The following OTUD6B variants were observed in gnomAD, a reference collection of about 807,000 sequenced individuals.
OTUD6B encodes the protein deubiquitinase OTUD6B.
Under a neutral mutation model 36.9 loss-of-function variants are expected in OTUD6B, and 41 were observed. That is an observed-to-expected ratio of 1.11 (90% CI 0.87 to 1.44). The LOEUF (loss-of-function observed/expected upper bound fraction) is 1.44. Ranked by LOEUF, OTUD6B falls within the 40% of genes most tolerant of loss-of-function variation. The pLI is 0.00. For synonymous variants in OTUD6B, 114 were observed against 114.2 expected (o/e 1.00, Z 0.01); for missense variants, 356 against 344.8 (o/e 1.03, Z -0.26).
chr8:91,082,051 G>A (rs1812917498), intron 5 of OTUD6B, among the ~76,000 whole-genome samples: 1 of 152,074 alleles, frequency 6.6e-6, no homozygotes, highest in Non-Finnish European at 1.5e-5. Flanking sequence ...AGTAAGAGTT[G>A]CAGTTTTCAC....
intron 4 of OTUD6B, chr8:91,080,417 G>T (rs1283608739): frequency 7.8e-6 from 2 of 256,946 alleles, no homozygotes; most frequent in Non-Finnish European, 1.2e-5. Flanking sequence ...ATATAGGGAG[G>T]GTATCTGGGC....
intron 6 of OTUD6B, 189 bp from the exon 7 acceptor site, chr8:91,084,595 T>C (rs1293552313): frequency 3.3e-6 from 1 of 299,554 alleles, no homozygotes; most frequent in African/African-American, 2.3e-5. Context: ...GAACCAGATC[T>C]TGCTGACTGC....
intron 5 of OTUD6B, among the ~76,000 whole-genome samples, chr8:91,081,526 C>T (rs577160016): frequency 3.3e-5 from 5 of 151,692 alleles, no homozygotes; most frequent in South Asian, 4.2e-4. Context: ...CAGCCATCCT[C>T]CCAAGCTTGA....
In OTUD6B at chr8:91,072,261, A is replaced by G. The variant is rs73301750; in HGVS notation, c.234+972A>G. Among the ~76,000 whole-genome samples the G allele has an allele frequency of 2.6e-5, 4 of 152,196 alleles. No individual in the cohort carries two copies. In the East Asian group the frequency reaches 7.7e-4, roughly 29 times the overall value. ...CATAATCCCATTTTTCAAGTGGGAA[A>G]CAGGGTTAGAGAGATTAAGAACTTT... On this transcript the variant is annotated intron_variant, in intron 2 of 6. Transcript: ENST00000404789.
chr8:91,087,016 C>G lies in OTUD6B; in HGVS notation c.*2148C>G, dbSNP rs1399023905. On this transcript the variant is annotated 3_prime_UTR_variant, in exon 7 of 7. Coordinates refer to ENST00000404789, the MANE Select transcript of OTUD6B (RefSeq NM_016023.5). ...ATAAAGCAAAAAAGAATGTGTGTAA[C>G]TATAGTGAACGCATAGTTTTGCTTA... 6.6e-6 allele frequency: 1 copy of G among 151,758 alleles called. No individual in the cohort carries two copies. The highest frequency in any genetic ancestry group is 2.4e-5 in the African/African-American group (1 of 41,276). 9.4% of individuals were successfully genotyped at this position (151,758 alleles called of 1,614,324 possible).
chr8:91,073,717 C>T, intron 2 of OTUD6B, 114 bp from the exon 3 acceptor site: 1 of 1,336,540 alleles, frequency 7.5e-7, no homozygotes, highest in South Asian at 1.7e-5. Flanking sequence ...ACCATATTAT[C>T]TAATACAGTG....
rs985417093 is a variant in OTUD6B at position 91,076,479 on chromosome 8, T to G, written c.316-1877T>G. 1.1e-5 allele frequency: 17 copies of G among 1,491,494 alleles called. No homozygotes were observed. The Admixed American group carries it at 2.4e-4, about 21-fold the overall frequency. The allele number at this position is 1,491,494 out of a possible 1,614,324, so 92.4% of individuals were successfully genotyped here. On this transcript the variant is annotated intron_variant, in intron 3 of 6. Coordinates refer to ENST00000404789, the MANE Select transcript of OTUD6B (RefSeq NM_016023.5). Reference sequence around the variant, plus strand: ...AAAAATGAAATGATTAGAATTAGTATTTTAGAGGCTTAAACAGTTTTGCAG... The same window carrying G: ...AAAAATGAAATGATTAGAATTAGTAGTTTAGAGGCTTAAACAGTTTTGCAG...
In OTUD6B at chr8:91,071,240, A is replaced by G. The variant is rs745502007; in HGVS notation, c.185A>G (p.Lys62Arg). 3.4e-5 allele frequency: 55 copies of G among 1,613,862 alleles called. No individual in the cohort carries two copies. The highest frequency in any genetic ancestry group is 4.2e-5 in the Non-Finnish European group (50 of 1,179,860). Residue 62 changes from lysine (K) to arginine (R), a missense_variant, in exon 2 of 7, where the codon AAA (lysine) becomes AGA (arginine). Transcript: ENST00000404789. ...VAKLEKEMEQKHREELEQLKL... is the reference protein window; with the variant it reads ...VAKLEKEMEQRHREELEQLKL... ...AAGTTGGAAAAAGAAATGGAACAGAAACATAGAGAGGAACTGGAGCAATTG... is the reference window on the plus strand; with the variant it reads ...AAGTTGGAAAAAGAAATGGAACAGAGACATAGAGAGGAACTGGAGCAATTG...
Position 91,071,151 on chromosome 8 carries a change from C to T in OTUD6B, c.96C>T (p.Gly32=). Residue 32 remains glycine (G), a synonymous_variant, in exon 2 of 7, where the codon GGC becomes GGT. Transcript: ENST00000404789. ...ATGGCTTTTCAGCCAAAATTCAGGG[C>T]ATGAAGAATGCTGTTCCCAAGAATG... ...EKKELQAKIQ[G]MKNAVPKNDK... is the part of the protein sequence containing the mutation. 1 of 1,612,676 alleles carries T rather than the reference C, an allele frequency of 6.2e-7. No individual in the cohort carries two copies. The highest frequency in any genetic ancestry group is 8.5e-7 in the Non-Finnish European group (1 of 1,179,542).
intron 5 of OTUD6B, among the ~76,000 whole-genome samples, chr8:91,081,920 A>G (rs745512313): frequency 7.3e-4 from 111 of 152,192 alleles, no homozygotes; most frequent in Non-Finnish European, 1.2e-3. Context: ...AAAATGCTTG[A>G]ACTTTCTTAA....
At chr8:91,083,587 A>G (rs1024475952) in intron 5 of OTUD6B, among the ~76,000 whole-genome samples, 1 of 152,202 alleles carries the variant, frequency 6.6e-6, no homozygotes, top group Non-Finnish European at 1.5e-5. Context: ...GGAAAATTCT[A>G]CACTTGACTT....
rs538080070 is a variant in OTUD6B, at chr8:91,074,004, GA to G, written c.315+102del. ...TTAGGTCTTGTTATAGGAAGAGAATGAAAAAAAAATGATGCAGTTCCTTGTC... is the reference window on the plus strand; with the variant it reads ...TTAGGTCTTGTTATAGGAAGAGAATGAAAAAAAATGATGCAGTTCCTTGTC... On this transcript the variant is annotated intron_variant, in intron 3 of 6. Transcript: ENST00000404789. 4.9e-4 allele frequency: 379 copies of G among 777,014 alleles called. 1 individual carries two copies. Among genetic ancestry groups the G allele is most frequent in the Middle Eastern group, 1.0e-3 (4 of 3,848 alleles). 48.1% of individuals were successfully genotyped at this position (777,014 alleles called of 1,614,324 possible).
At chr8:91,079,258 G>A (rs768372402) in intron 4 of OTUD6B, 1 of 152,096 alleles carries the variant, frequency 6.6e-6, no homozygotes, top group Non-Finnish European at 1.5e-5. Context: ...ATAGGTTTTG[G>A]GGTAGTAATG....
At chr8:91,071,069 T>C in intron 1 of OTUD6B, 69 bp from the exon 2 acceptor site, 1 of 1,587,076 alleles carries the variant, frequency 6.3e-7, no homozygotes, top group East Asian at 2.3e-5. Context: ...ACCATCCCCT[T>C]ATTGGTTCCT....
In OTUD6B at chr8:91,071,273, C is replaced by T; in HGVS notation, c.218C>T (p.Thr73Ile). Reference sequence around the variant, plus strand: ...GAGGAACTGGAGCAATTGAAGCTGACTACTAAGGAGAATAAGGTATGTGAA... The same window carrying T: ...GAGGAACTGGAGCAATTGAAGCTGATTACTAAGGAGAATAAGGTATGTGAA... ...HREELEQLKL[T>I]TKENKIDSVA... is the part of the protein sequence containing the mutation. The change falls in exon 2 of 7, where the codon ACT (threonine) becomes ATT (isoleucine). Residue 73 changes from threonine to isoleucine, a missense_variant. Transcript: ENST00000404789. 1 of 1,612,380 alleles carries T rather than the reference C, an allele frequency of 6.2e-7. No homozygotes were observed. Among genetic ancestry groups the T allele is most frequent in the Non-Finnish European group, 8.5e-7 (1 of 1,179,446 alleles).
At chr8:91,074,004 G>GAA in intron 3 of OTUD6B, 93 bp downstream of exon 3, 3 of 778,702 alleles carry the variant, frequency 3.9e-6, no homozygotes, top group Admixed American at 3.2e-5. Context: ...GGAAGAGAAT[G>GAA]AAAAAAAAAT....
At chr8:91,077,089 G>C (rs1179300481) in intron 3 of OTUD6B, among the ~76,000 whole-genome samples, 1 of 151,878 alleles carries the variant, frequency 6.6e-6, no homozygotes, top group Non-Finnish European at 1.5e-5. Context: ...CCTATTCTTG[G>C]CTTACCAAAT....
intron 4 of OTUD6B, among the ~76,000 whole-genome samples, chr8:91,079,442 A>G (rs993339423): frequency 1.3e-5 from 2 of 152,106 alleles, no homozygotes; most frequent in African/African-American, 2.4e-5. Context: ...AGAATTGATA[A>G]GAATGAGCAT....
At position 91,083,995 on chromosome 8, in the gene OTUD6B, T is replaced by G; in HGVS notation, c.691-13T>G. 1 of 1,544,092 alleles carries G rather than the reference T, an allele frequency of 6.5e-7. No homozygotes were observed. The highest frequency in any genetic ancestry group is 8.7e-7 in the Non-Finnish European group (1 of 1,146,428). Reference sequence around the variant, plus strand: ...TTTTATTTTCCTTACTGATACTTTTTTTCTTCCTATAGCTAAGAGCTCTGT... The same window carrying G: ...TTTTATTTTCCTTACTGATACTTTTGTTCTTCCTATAGCTAAGAGCTCTGT... On this transcript the variant is annotated splice_polypyrimidine_tract_variant and intron_variant, in intron 5 of 6. Coordinates refer to ENST00000404789, the MANE Select transcript of OTUD6B (RefSeq NM_016023.5).
Sources: allele counts gnomAD v4.1 joint callset (sites outside exome capture counted in the v4.1 genomes callset), GRCh38; gene constraint gnomAD v4.1.1; transcripts MANE v1.5; gene names NCBI Gene and HGNC (gene_info 2026-07-23, HGNC 2026-07-21).